Variants in PLEKHA8 observed in about 807,000 individuals in gnomAD.
PLEKHA8 encodes pleckstrin homology domain-containing family A member 8.
A neutral mutation model predicts 68.2 loss-of-function variants in PLEKHA8; 36 were observed. The observed-to-expected ratio is 0.53, with a 90% CI of 0.40 to 0.70. PLEKHA8 has a LOEUF of 0.70. PLEKHA8 is among the 30% of genes least tolerant of loss of function. The pLI, the probability that PLEKHA8 is intolerant of heterozygous loss-of-function variation, is 0.00. For synonymous variants in PLEKHA8, 211 were observed against 216.1 expected, an observed-to-expected ratio of 0.98 and a Z score of 0.20; for missense variants, 505 against 615.4, an observed-to-expected ratio of 0.82 and a Z score of 1.90.
intron 13 of PLEKHA8, chr7:30,074,950 C>T (rs1003200660): frequency 9.9e-5 from 15 of 152,158 alleles, no homozygotes; most frequent in African/African-American, 2.4e-4. Flanking sequence ...GTCAGCAATA[C>T]ACTCTGTGAT....
At chr7:30,067,858 C>A (rs62446710) in intron 12 of PLEKHA8, among the ~76,000 whole-genome samples, 22,248 of 152,146 alleles carry the variant, frequency 0.15, 1,670 homozygotes, top group Middle Eastern at 0.19. Flanking sequence ...ACCATGGTTT[C>A]GAAAAACTAA....
In PLEKHA8 at chr7:30,081,636, G is replaced by A. The variant is rs1794934575; in HGVS notation, c.*2849G>A. ...GGAGGTGAGAAAACTCTAGTATTTTGTTGGCAGAGTAATCACTTTGTTCTC... is the reference window on the plus strand; with the variant it reads ...GGAGGTGAGAAAACTCTAGTATTTTATTGGCAGAGTAATCACTTTGTTCTC... On this transcript the variant is annotated 3_prime_UTR_variant, in exon 14 of 14. Transcript: ENST00000449726. 1 of 985,156 alleles carries A rather than the reference G, an allele frequency of 1.0e-6. No homozygotes were observed. Among genetic ancestry groups the A allele is most frequent in the Non-Finnish European group, 1.2e-6 (1 of 829,836 alleles). The allele number at this position is 985,156 out of a possible 1,614,324, so 61.0% of individuals were successfully genotyped here. A position where few individuals can be genotyped will look rare whatever the true frequency, so the allele number is the denominator to read the frequency against.
intron 12 of PLEKHA8, among the ~76,000 whole-genome samples, chr7:30,065,306 A>G (rs1374798094): frequency 6.6e-6 from 1 of 152,148 alleles, no homozygotes; most frequent in Non-Finnish European, 1.5e-5. Context: ...GAAGGTGTTT[A>G]TGATTTAAAT....
chr7:30,061,760 A>G lies in PLEKHA8; in HGVS notation c.1099-137A>G, dbSNP rs1022590999. ...CCAAAACAAATACTATCATGAAAAC[A>G]TAAGGAAGAAGGTAATAGGAGCTTA... On this transcript the variant is annotated intron_variant, in intron 10 of 13. Coordinates refer to ENST00000449726, the MANE Select transcript of PLEKHA8 (RefSeq NM_001197026.2). 27 of 851,824 alleles carry G rather than the reference A, an allele frequency of 3.2e-5. No homozygotes were observed. In the Admixed American group the frequency reaches 7.3e-4, roughly 23 times the overall value. 52.8% of individuals were successfully genotyped at this position (851,824 alleles called of 1,614,324 possible). A position where few individuals can be genotyped will look rare whatever the true frequency, so the allele number is the denominator to read the frequency against.
At chr7:30,041,439 T>G (rs888477733) in intron 1 of PLEKHA8, among the ~76,000 whole-genome samples, 2 of 120,052 alleles carry the variant, frequency 1.7e-5, no homozygotes, top group African/African-American at 5.9e-5. Context: ...TTTTTTTTTT[T>G]GAGACAAGGT....
In PLEKHA8 at chr7:30,043,386, C is replaced by A. The variant is rs79512947; in HGVS notation, c.41-1699C>A. 8.5e-3 allele frequency among the ~76,000 whole-genome samples: 1,292 copies of A among 152,164 alleles called. 21 individuals are homozygous for A. Among genetic ancestry groups the A allele is most frequent in the African/African-American group, 0.03 (1,246 of 41,504 alleles). On this transcript the variant is annotated intron_variant, in intron 1 of 13. Coordinates refer to ENST00000449726, the MANE Select transcript of PLEKHA8 (RefSeq NM_001197026.2). ...ATTTGTGCTAGTGTAGAGATAAGGC[C>A]TAAGGGTTCCTGACCTGCAATAAAG...
intron 13 of PLEKHA8, 89 bp downstream of exon 13, chr7:30,074,221 C>A: frequency 1.7e-6 from 2 of 1,160,416 alleles, no homozygotes; most frequent in Non-Finnish European, 2.5e-6. Context: ...AGTTATTTAT[C>A]TAGTCATGAT....
In PLEKHA8 at chr7:30,046,364, A is replaced by G; in HGVS notation, c.312A>G (p.Lys104=). The G allele has an allele frequency of 6.3e-7, 1 of 1,599,806 alleles. No homozygotes were observed. Among genetic ancestry groups the G allele is most frequent in the Non-Finnish European group, 8.5e-7 (1 of 1,174,016 alleles). ...CTGACAGTAGGACCCAGAAGGAGAA[A>G]GGCAAGTACTGATTGTCCTTTGCTG... is the stretch of plus-strand genomic sequence containing the variant. ...CLTDSRTQKE[K]EFAENTENLK... The change falls in exon 3 of 14, where the codon AAA becomes AAG. Residue 104 remains lysine, a splice_region_variant and synonymous_variant. Transcript: ENST00000449726.
chr7:30,071,119 C>G (rs1794208856), intron 12 of PLEKHA8, among the ~76,000 whole-genome samples: 1 of 152,142 alleles, frequency 6.6e-6, no homozygotes, highest in African/African-American at 2.4e-5. Flanking sequence ...TTCTTTAGTT[C>G]TCTCCTTTTA....
intron 13 of PLEKHA8, among the ~76,000 whole-genome samples, chr7:30,122,007 A>G (rs962432622): frequency 6.6e-6 from 1 of 152,264 alleles, no homozygotes; most frequent in Non-Finnish European, 1.5e-5. Flanking sequence ...CCTATAAAGG[A>G]AAGTAATATG....
Position 30,062,706 on chromosome 7 carries a change from G to T in PLEKHA8, c.1264G>T (p.Val422Leu). 2.5e-6 allele frequency: 4 copies of T among 1,613,284 alleles called. No homozygotes were observed. The highest frequency in any genetic ancestry group is 3.4e-6 in the Non-Finnish European group (4 of 1,179,388). The change falls in exon 12 of 14, where the codon GTG (valine) becomes TTG (leucine). Residue 422 changes from valine to leucine, a missense_variant. Transcript: ENST00000449726. ...LKFLKGFLTE[V>L]KNGEKDIQTA... is the part of the protein sequence containing the mutation. ...ATTTTTGAAGGGATTTTTGACAGAAGTGAAAAATGGGGAGAAGGATATCCA... is the reference window on the plus strand; with the variant it reads ...ATTTTTGAAGGGATTTTTGACAGAATTGAAAAATGGGGAGAAGGATATCCA...
intron 12 of PLEKHA8, among the ~76,000 whole-genome samples, chr7:30,071,078 G>A (rs1794205456): frequency 6.6e-6 from 1 of 152,192 alleles, no homozygotes; most frequent in Non-Finnish European, 1.5e-5. Context: ...AATACCCACT[G>A]TGGTTATCTC....
intron 7 of PLEKHA8, among the ~76,000 whole-genome samples, chr7:30,053,725 G>A (rs1289170132): frequency 6.6e-5 from 10 of 152,158 alleles, no homozygotes; most frequent in Admixed American, 6.5e-4. Context: ...CCTATTGATA[G>A]GGATGTTCTT....
rs115559229 is a variant in PLEKHA8 at position 30,122,921 on chromosome 7, C to T, written c.1363-6345C>T. 8.5e-3 allele frequency among the ~76,000 whole-genome samples: 1,291 copies of T among 152,218 alleles called. 22 individuals are homozygous for T. Among genetic ancestry groups the T allele is most frequent in the African/African-American group, 0.03 (1,244 of 41,526 alleles). ...GAGGAAGGGACTGGAAATAGTAGTT[C>T]CTGGTAGTTTTCTAGTTCCTGGTTC... On this transcript the variant is annotated intron_variant, in intron 13 of 13. Transcript: ENST00000396257.
At chr7:30,064,427 C>T (rs555653371) in intron 12 of PLEKHA8, among the ~76,000 whole-genome samples, 1 of 152,198 alleles carries the variant, frequency 6.6e-6, no homozygotes, top group Admixed American at 6.5e-5. Context: ...CCTGTAGTCC[C>T]AGCTACTTAG....
intron 12 of PLEKHA8, among the ~76,000 whole-genome samples, chr7:30,063,447 TG>T (rs1370085099): frequency 6.6e-6 from 1 of 152,192 alleles, no homozygotes; most frequent in African/African-American, 2.4e-5. Context: ...CTCTCACCAT[TG>T]ATCTATAGGA....
chr7:30,045,480 G>A (rs1249985327), intron 2 of PLEKHA8, among the ~76,000 whole-genome samples: 2 of 152,130 alleles, frequency 1.3e-5, no homozygotes, highest in African/African-American at 2.4e-5. Flanking sequence ...TGGGACCAGT[G>A]GCTATTAGCA....
chr7:30,048,903 A>G (rs1487666513), intron 4 of PLEKHA8, among the ~76,000 whole-genome samples: 1 of 152,178 alleles, frequency 6.6e-6, no homozygotes, highest in African/African-American at 2.4e-5. Context: ...TGGGAAGTTT[A>G]TAGTCTAGAG....
At position 30,079,519 on chromosome 7, in the gene PLEKHA8, C is replaced by T. The variant is rs781020281; in HGVS notation, c.*732C>T. 8.7e-5 allele frequency: 84 copies of T among 969,792 alleles called. No homozygotes were observed. The highest frequency in any genetic ancestry group is 9.7e-5 in the Non-Finnish European group (79 of 815,886). The allele number at this position is 969,792 out of a possible 1,614,324, so 60.1% of individuals were successfully genotyped here. ...CACCTCCCAACTGCCTACCATTTAC[C>T]AGCATGTTCCCCATGCATTATCTCA... On this transcript the variant is annotated 3_prime_UTR_variant, in exon 14 of 14. Transcript: ENST00000449726.
Sources: gnomAD v4.1 joint callset for allele counts (sites outside exome capture counted in the v4.1 genomes callset) on GRCh38, gnomAD v4.1.1 for gene constraint, MANE v1.5 for transcripts, NCBI Gene and HGNC (gene_info 2026-07-23, HGNC 2026-07-21) for gene names.